PDE4B: variants seen among roughly 807,000 people sequenced by gnomAD.
PDE4B encodes the protein phosphodiesterase 4B.
Under a neutral mutation model 82.2 loss-of-function variants are expected in PDE4B, and 20 were observed. The observed-to-expected ratio is 0.24, with a 90% CI of 0.17 to 0.35. PDE4B has a LOEUF of 0.35. Ranked by LOEUF, PDE4B falls within the 10% of genes least tolerant of loss-of-function variation. PDE4B has a pLI of 1.00. For missense variants in PDE4B, 655 were observed against 907.2 expected (o/e 0.72, Z 3.57); for synonymous variants, 320 against 318.9 (o/e 1.00, Z -0.04).
intron 6 of PDE4B, among the ~76,000 whole-genome samples, chr1:66,258,443 C>A (rs190273928): frequency 3.7e-4 from 56 of 152,302 alleles, no homozygotes; most frequent in Admixed American, 3.3e-3. Flanking sequence ...ATATTCCTTG[C>A]AGTAACACTT....
chr1:66,194,855 C>T (rs1199418659), intron 3 of PDE4B, among the ~76,000 whole-genome samples: 2 of 152,066 alleles, frequency 1.3e-5, no homozygotes, highest in Non-Finnish European at 2.9e-5. Context: ...GAGATTAACA[C>T]TCACTTATGT....
chr1:66,259,833 T>A (rs1412650910), intron 6 of PDE4B, among the ~76,000 whole-genome samples: 2 of 152,218 alleles, frequency 1.3e-5, no homozygotes, highest in African/African-American at 4.8e-5. Flanking sequence ...TTTGCAGGAT[T>A]GATTCCTTCT....
At chr1:66,293,333 C>A (rs1223775110) in intron 7 of PDE4B, among the ~76,000 whole-genome samples, 10 of 151,482 alleles carry the variant, frequency 6.6e-5, no homozygotes, top group Non-Finnish European at 1.0e-4. Flanking sequence ...TGGAAAATCA[C>A]CCTCCCAAGC....
intron 7 of PDE4B, among the ~76,000 whole-genome samples, chr1:66,310,026 T>A (rs909266027): frequency 2.6e-5 from 4 of 152,144 alleles, no homozygotes; most frequent in Non-Finnish European, 4.4e-5. Context: ...CTTGGTAGCT[T>A]ACATCCTGTG....
chr1:66,345,965 T>A (rs753184538), intron 8 of PDE4B, among the ~76,000 whole-genome samples: 3 of 152,176 alleles, frequency 2.0e-5, no homozygotes, highest in Non-Finnish European at 4.4e-5. Flanking sequence ...GTTTGTTCGG[T>A]TGGCTTTTGG....
chr1:66,245,254 A>T (rs559202835), intron 3 of PDE4B, among the ~76,000 whole-genome samples: 2 of 152,324 alleles, frequency 1.3e-5, no homozygotes, highest in African/African-American at 4.8e-5. Context: ...GGATGCTAAC[A>T]GTTTTAAAAG....
chr1:65,972,398 C>T (rs1650192442), intron 3 of PDE4B, among the ~76,000 whole-genome samples: 1 of 151,566 alleles, frequency 6.6e-6, no homozygotes, highest in African/African-American at 2.4e-5. Flanking sequence ...CCTGTGAGTT[C>T]TTGGGAGATC....
chr1:66,154,420 T>G (rs1646461690), intron 3 of PDE4B, among the ~76,000 whole-genome samples: 1 of 151,984 alleles, frequency 6.6e-6, no homozygotes, highest in East Asian at 1.9e-4. Flanking sequence ...ACAGGCTTGA[T>G]AAAAGAGAAT....
At chr1:65,977,500 A>C (rs1245174611) in intron 3 of PDE4B, among the ~76,000 whole-genome samples, 1 of 152,226 alleles carries the variant, frequency 6.6e-6, no homozygotes, top group East Asian at 1.9e-4. Flanking sequence ...TACTTGAAGC[A>C]TTACCTGAGA....
intron 3 of PDE4B, among the ~76,000 whole-genome samples, chr1:66,046,970 T>C (rs1411622966): frequency 6.6e-6 from 1 of 151,934 alleles, no homozygotes; most frequent in East Asian, 1.9e-4. Context: ...TTGATGTCTA[T>C]GCACAGAAAC....
chr1:66,036,935 C>T (rs1654097925), intron 3 of PDE4B, among the ~76,000 whole-genome samples: 1 of 151,884 alleles, frequency 6.6e-6, no homozygotes, highest in South Asian at 2.1e-4. Flanking sequence ...GAGTTTGAGA[C>T]CAGCCTGACC....
intron 3 of PDE4B, among the ~76,000 whole-genome samples, chr1:66,223,677 T>C (rs1651187681): frequency 6.6e-6 from 1 of 152,080 alleles, no homozygotes; most frequent in African/African-American, 2.4e-5. Context: ...GTGTTCTTTT[T>C]TCATTCCCCC....
At chr1:66,066,958 G>A (rs1274562451) in intron 3 of PDE4B, among the ~76,000 whole-genome samples, 1 of 151,816 alleles carries the variant, frequency 6.6e-6, no homozygotes, top group Admixed American at 6.6e-5. Context: ...ATCTTTTTTG[G>A]TTCAGAGCAG....
At chr1:65,971,241 AT>A (rs1650122353) in intron 3 of PDE4B, among the ~76,000 whole-genome samples, 1 of 151,978 alleles carries the variant, frequency 6.6e-6, no homozygotes, top group African/African-American at 2.4e-5. Context: ...TAGGTGACTA[AT>A]TTTTGTACTT....
intron 1 of PDE4B, among the ~76,000 whole-genome samples, chr1:65,899,915 C>T (rs1364252261): frequency 6.6e-6 from 1 of 151,846 alleles, no homozygotes; most frequent in Non-Finnish European, 1.5e-5. Context: ...TAAAAGACTA[C>T]AAATAGGGTG....
intron 3 of PDE4B, among the ~76,000 whole-genome samples, chr1:66,205,879 T>G (rs756853956): frequency 4.6e-5 from 7 of 152,222 alleles, no homozygotes; most frequent in Non-Finnish European, 7.3e-5. Context: ...TTTTTCTGCA[T>G]TCAGGTAGAC....
chr1:66,311,792 T>C (rs1187987743), intron 7 of PDE4B, among the ~76,000 whole-genome samples: 2 of 152,234 alleles, frequency 1.3e-5, no homozygotes, highest in Non-Finnish European at 2.9e-5. Context: ...TTCCCCATGA[T>C]GTAAATGGTA....
chr1:65,919,087 G>A (rs1300129136), intron 3 of PDE4B, among the ~76,000 whole-genome samples: 2 of 152,136 alleles, frequency 1.3e-5, no homozygotes, highest in African/African-American at 4.8e-5. Flanking sequence ...TTACATTAAT[G>A]TAAAGGGATA....
intron 3 of PDE4B, among the ~76,000 whole-genome samples, chr1:66,204,336 C>T (rs1370742185): frequency 1.3e-5 from 2 of 152,230 alleles, no homozygotes; most frequent in African/African-American, 2.4e-5. Flanking sequence ...GTCAGATCTC[C>T]AGCTGTGTGC....
Sources: allele counts gnomAD v4.1 joint callset (sites outside exome capture counted in the v4.1 genomes callset), GRCh38; gene constraint gnomAD v4.1.1; transcripts MANE v1.5; gene names NCBI Gene and HGNC (gene_info 2026-07-23, HGNC 2026-07-21).